The following WDFY4 variants were observed in gnomAD, a reference collection of about 807,000 sequenced individuals.
WDFY4 encodes WD repeat- and FYVE domain-containing protein 4.
Under a neutral mutation model 351.9 loss-of-function variants are expected in WDFY4, and 169 were observed. The ratio of observed to expected loss-of-function variants is 0.48; its 90% CI spans 0.42 to 0.55. WDFY4 has a LOEUF of 0.55. Among genes scored for constraint, WDFY4 ranks in the 20% least tolerant of loss-of-function variants. The pLI, the probability that WDFY4 is intolerant of heterozygous loss-of-function variation, is 0.00. For synonymous variants in WDFY4, 1,622 were observed against 1,574.6 expected, an observed-to-expected ratio of 1.03 and a Z score of -0.71; for missense variants, 3,803 against 3,935.6, an observed-to-expected ratio of 0.97 and a Z score of 0.90.
intron 40 of WDFY4, 108 bp from the exon 41 acceptor site, chr10:48,873,383 T>C: frequency 7.9e-7 from 1 of 1,272,718 alleles, no homozygotes; most frequent in Middle Eastern, 1.9e-4. Context: ...GGTATCTTTC[T>C]CAAACATTCA....
intron 47 of WDFY4, chr10:48,910,157 TCTC>T: frequency 7.6e-7 from 1 of 1,323,964 alleles, no homozygotes; most frequent in Admixed American, 1.7e-5. Context: ...CACTCTGTCT[TCTC>T]CTAACTGGGG....
chr10:48,777,087 AC>A, intron 16 of WDFY4, 103 bp downstream of exon 16: 1 of 1,338,978 alleles, frequency 7.5e-7, no homozygotes, highest in Non-Finnish European at 1.0e-6. Flanking sequence ...ATTGAATCTC[AC>A]CACTCAGCAG....
At chr10:48,749,175 T>C (rs993183714) in intron 12 of WDFY4, among the ~76,000 whole-genome samples, 3 of 152,204 alleles carry the variant, frequency 2.0e-5, no homozygotes, top group Non-Finnish European at 2.9e-5. Context: ...GTAACTATAA[T>C]TTAAGGAATA....
chr10:48,910,189 C>CGT, intron 47 of WDFY4: 10 of 1,478,440 alleles, frequency 6.8e-6, no homozygotes, highest in African/African-American at 2.8e-5. Context: ...TCTTCAGAGT[C>CGT]GTTTATTCTG....
At chr10:48,925,768 TG>T (rs1304175051) in intron 47 of WDFY4, among the ~76,000 whole-genome samples, 7 of 152,070 alleles carry the variant, frequency 4.6e-5, no homozygotes, top group Non-Finnish European at 8.8e-5. Context: ...CTCCACAGTT[TG>T]GGGGGATTTC....
intron 39 of WDFY4, among the ~76,000 whole-genome samples, chr10:48,863,473 G>A (rs2069416689): frequency 6.6e-6 from 1 of 152,028 alleles, no homozygotes; most frequent in South Asian, 2.1e-4. Flanking sequence ...CTTTTCACCT[G>A]CTTATTAGCC....
chr10:48,879,767 T>C (rs1238624991), intron 43 of WDFY4, among the ~76,000 whole-genome samples: 1 of 151,932 alleles, frequency 6.6e-6, no homozygotes. Context: ...GCTGCCAGGG[T>C]TCATCTGTTT....
Position 48,821,127 on chromosome 10 carries a change from T to C in WDFY4, c.5775T>C (p.Ala1925=). Residue 1925 remains alanine, a synonymous_variant, in exon 34 of 62, where the codon GCT becomes GCC. Transcript: ENST00000325239. ...TCCAGTCCGAGGTCCTGCTTTCTGC[T>C]ATGGAACTATTCCACATGACAAGTG... ...RDFQSEVLLS[A]MELFHMTSGG... 6.4e-7 allele frequency: 1 copy of C among 1,551,684 alleles called. No individual in the cohort carries two copies. Among genetic ancestry groups the C allele is most frequent in the Non-Finnish European group, 8.7e-7 (1 of 1,146,960 alleles).
At chr10:48,874,710 G>C (rs1020240756) in intron 41 of WDFY4, among the ~76,000 whole-genome samples, 2 of 152,112 alleles carry the variant, frequency 1.3e-5, no homozygotes, top group African/African-American at 4.8e-5. Flanking sequence ...ACAAAGCCAA[G>C]GGCTGGCTAT....
chr10:48,804,133 A>G (rs962628883), intron 25 of WDFY4, among the ~76,000 whole-genome samples: 5 of 152,222 alleles, frequency 3.3e-5, no homozygotes, highest in Non-Finnish European at 7.3e-5. Flanking sequence ...AAAGGGAGCC[A>G]GGGGCTGTGT....
intron 55 of WDFY4, chr10:48,967,770 T>C (rs1377414951): frequency 1.3e-5 from 2 of 152,282 alleles, no homozygotes; most frequent in African/African-American, 2.4e-5. Context: ...TGCACTGCCT[T>C]GGGGAAATCC....
intron 50 of WDFY4, among the ~76,000 whole-genome samples, chr10:48,946,580 C>A (rs1841053270): frequency 6.6e-6 from 1 of 152,232 alleles, no homozygotes; most frequent in Non-Finnish European, 1.5e-5. Flanking sequence ...AGAGTTTAAG[C>A]AACTTGCTCA....
chr10:48,823,715 A>G (rs1428609936), intron 35 of WDFY4: 1 of 994,184 alleles, frequency 1.0e-6, no homozygotes, highest in African/African-American at 1.7e-5. Flanking sequence ...CTCCCAGCTA[A>G]TATCCCAAAC....
intron 47 of WDFY4, among the ~76,000 whole-genome samples, chr10:48,924,616 G>T (rs374393678): frequency 2.6e-5 from 4 of 152,130 alleles, no homozygotes. Flanking sequence ...TTTTGTTCTT[G>T]TACAATTTTT....
chr10:48,977,823 A>C (rs559059596), intron 59 of WDFY4, among the ~76,000 whole-genome samples: 1 of 152,186 alleles, frequency 6.6e-6, no homozygotes, highest in Non-Finnish European at 1.5e-5. Flanking sequence ...CCCTTTGGTG[A>C]TATAAAATCC....
Position 48,813,998 on chromosome 10 carries a change from C to A in WDFY4, c.5256C>A (p.His1752Gln). 2 of 1,550,524 alleles carry A rather than the reference C, an allele frequency of 1.3e-6. No individual in the cohort carries two copies. Among genetic ancestry groups the A allele is most frequent in the Non-Finnish European group, 1.7e-6 (2 of 1,146,304 alleles). The change falls in exon 31 of 62, where the codon CAC becomes CAA. Residue 1752 changes from histidine (H) to glutamine (Q), a missense_variant. By Grantham distance (24) the His-to-Gln change is conservative. Transcript: ENST00000325239. ...TGCTTCAGTGGCTCCTGCAGAGGCACCACCAGGAAGAAGTCCTCCAGGCTG... is the reference window on the plus strand; with the variant it reads ...TGCTTCAGTGGCTCCTGCAGAGGCAACACCAGGAAGAAGTCCTCCAGGCTG... Reference protein sequence around the residue: ...DAMLQWLLQRHHQEEVLQAGL... With the variant: ...DAMLQWLLQRQHQEEVLQAGL...
chr10:48,942,347 T>C (rs1840816357), intron 48 of WDFY4, among the ~76,000 whole-genome samples: 1 of 151,074 alleles, frequency 6.6e-6, no homozygotes, highest in Non-Finnish European at 1.5e-5. Context: ...ATCTTGCACA[T>C]TGGAGTCAGA....
At chr10:48,807,717 G>T (rs1348381158) in intron 27 of WDFY4, 142 bp from the exon 28 acceptor site, 9 of 839,236 alleles carry the variant, frequency 1.1e-5, no homozygotes, top group Non-Finnish European at 1.3e-5. Context: ...GTGGAGGCTG[G>T]AATAAAATGC....
chr10:48,946,095 C>T lies in WDFY4; in HGVS notation c.7805C>T (p.Ala2602Val). 6.5e-7 allele frequency: 1 copy of T among 1,549,162 alleles called. No homozygotes were observed. The highest frequency in any genetic ancestry group is 8.7e-7 in the Non-Finnish European group (1 of 1,146,322). Reference sequence around the variant, plus strand: ...CGGGATCTTTCAAAGCCCATGGGGGCTCAGACCAAGGAAAGGAAGCTGAAA... The same window carrying T: ...CGGGATCTTTCAAAGCCCATGGGGGTTCAGACCAAGGAAAGGAAGCTGAAA... ...IFRDLSKPMGAQTKERKLKFI... is the reference protein window; with the variant it reads ...IFRDLSKPMGVQTKERKLKFI... Residue 2602 changes from alanine (A) to valine (V), a missense_variant, in exon 50 of 62, where the codon GCT becomes GTT. Physicochemically the swap from Ala to Val is moderately conservative, Grantham distance 64 (BLOSUM62 0). Transcript: ENST00000325239.
Sources: allele counts gnomAD v4.1 joint callset (sites outside exome capture counted in the v4.1 genomes callset), GRCh38; gene constraint gnomAD v4.1.1; transcripts MANE v1.5; gene names NCBI Gene and HGNC (gene_info 2026-07-23, HGNC 2026-07-21).